The following DGKI variants were observed in gnomAD, a reference collection of about 807,000 sequenced individuals.
DGKI encodes the protein DAG kinase iota.
A neutral mutation model predicts 147.5 loss-of-function variants in DGKI; 55 were observed. The observed-to-expected ratio is 0.37, with a 90% CI of 0.30 to 0.47. The LOEUF (loss-of-function observed/expected upper bound fraction) is 0.47. Ranked by LOEUF, DGKI falls within the 20% of genes least tolerant of loss-of-function variation. The probability of loss-of-function intolerance (pLI) is 1.00; values close to 1 mark genes in which losing one functional copy is unlikely to be tolerated. For missense variants in DGKI, 1,007 were observed against 1,323.8 expected, an observed-to-expected ratio of 0.76 and a Z score of 3.71; for synonymous variants, 469 against 477.1, an observed-to-expected ratio of 0.98 and a Z score of 0.22.
chr7:137,413,298 T>G (rs1002473783), intron 28 of DGKI, among the ~76,000 whole-genome samples: 1 of 151,966 alleles, frequency 6.6e-6, no homozygotes, highest in African/African-American at 2.4e-5. Context: ...TTCATTTTTA[T>G]TTTAGATTCA....
chr7:137,715,461 T>C (rs1229478804), intron 1 of DGKI, among the ~76,000 whole-genome samples: 1 of 152,118 alleles, frequency 6.6e-6, no homozygotes, highest in East Asian at 1.9e-4. Context: ...GGGTGGAAAG[T>C]TATGAGACCC....
chr7:137,485,332 T>G, intron 23 of DGKI, 42 bp downstream of exon 23: 2 of 1,498,684 alleles, frequency 1.3e-6, no homozygotes, highest in African/African-American at 1.4e-5. Context: ...GGACTTCATT[T>G]GGCCAGAAGG....
intron 1 of DGKI, among the ~76,000 whole-genome samples, chr7:137,736,771 G>A (rs1795035517): frequency 1.3e-5 from 2 of 152,066 alleles, no homozygotes; most frequent in South Asian, 4.1e-4. Flanking sequence ...GAATGAGTAT[G>A]AAGAGAAAAT....
At chr7:137,751,630 T>C (rs1795492451) in intron 1 of DGKI, among the ~76,000 whole-genome samples, 1 of 152,198 alleles carries the variant, frequency 6.6e-6, no homozygotes, top group South Asian at 2.1e-4. Flanking sequence ...TTTGAAAGTA[T>C]GTAAAGGAAA....
chr7:137,837,194 C>T (rs1285160452), intron 1 of DGKI, among the ~76,000 whole-genome samples: 1 of 152,202 alleles, frequency 6.6e-6, no homozygotes, highest in Non-Finnish European at 1.5e-5. Flanking sequence ...CCAGTGAAAT[C>T]CCAAATGTAA....
At chr7:137,717,472 A>G (rs963665645) in intron 1 of DGKI, among the ~76,000 whole-genome samples, 4 of 152,216 alleles carry the variant, frequency 2.6e-5, no homozygotes, top group African/African-American at 9.6e-5. Context: ...TGTAAGTGAT[A>G]TTAACATTTT....
chr7:137,429,279 C>A (rs1383275547), intron 28 of DGKI, among the ~76,000 whole-genome samples: 1 of 150,824 alleles, frequency 6.6e-6, no homozygotes, highest in African/African-American at 2.4e-5. Context: ...CTTTGACAAA[C>A]CTGAGAAAAA....
At position 137,390,735 on chromosome 7, in the gene DGKI, G is replaced by A. The variant is rs1811328063; in HGVS notation, c.*485C>T. 1 of 156,978 alleles carries A rather than the reference G, an allele frequency of 6.4e-6. No individual in the cohort carries two copies. 9.7% of individuals were successfully genotyped at this position (156,978 alleles called of 1,614,324 possible). A position where few individuals can be genotyped will look rare whatever the true frequency, so the allele number is the denominator to read the frequency against. On this transcript the variant is annotated 3_prime_UTR_variant, in exon 33 of 33. Coordinates refer to ENST00000614521, the MANE Select transcript of DGKI (RefSeq NM_001321708.2). ...TTATATTTCTGCAGGACATTCAGAA[G>A]GTTTTAGAAGGCCTTCAGACAATCT...
chr7:137,554,990 C>T (rs749704358), intron 19 of DGKI, among the ~76,000 whole-genome samples: 14 of 141,840 alleles, frequency 9.9e-5, no homozygotes, highest in Non-Finnish European at 2.0e-4. Context: ...AATCTCAGCT[C>T]ACTGCAACCT....
At chr7:137,688,398 C>T (rs750371291) in intron 2 of DGKI, among the ~76,000 whole-genome samples, 1 of 152,184 alleles carries the variant, frequency 6.6e-6, no homozygotes, top group African/African-American at 2.4e-5. Context: ...TTGTCACATT[C>T]GATCCTAACA....
At chr7:137,556,480 C>G (rs1028105714) in intron 19 of DGKI, among the ~76,000 whole-genome samples, 5 of 151,974 alleles carry the variant, frequency 3.3e-5, no homozygotes, top group African/African-American at 7.2e-5. Flanking sequence ...AATTCACAGG[C>G]CAAGTGTTAA....
intron 1 of DGKI, among the ~76,000 whole-genome samples, chr7:137,694,300 C>T (rs13222186): frequency 1.2e-3 from 179 of 147,000 alleles, no homozygotes; most frequent in Non-Finnish European, 1.9e-3. Context: ...CCAGCCTGGG[C>T]GACAGCGAGA....
At chr7:137,427,095 A>C (rs1812844838) in intron 28 of DGKI, among the ~76,000 whole-genome samples, 1 of 151,970 alleles carries the variant, frequency 6.6e-6, no homozygotes, top group Non-Finnish European at 1.5e-5. Context: ...AACAGAATAT[A>C]CATTTTTTTC....
intron 1 of DGKI, among the ~76,000 whole-genome samples, chr7:137,795,665 C>T (rs377723079): frequency 5.9e-5 from 9 of 152,268 alleles, no homozygotes; most frequent in East Asian, 5.8e-4. Context: ...CATGCATATG[C>T]GCAAGCTGTG....
intron 21 of DGKI, among the ~76,000 whole-genome samples, chr7:137,502,997 C>A (rs1203488905): frequency 6.6e-6 from 1 of 152,108 alleles, no homozygotes; most frequent in East Asian, 1.9e-4. Flanking sequence ...CAGGCCTGGA[C>A]AAAGGACCAG....
At chr7:137,713,055 T>A (rs1794264427) in intron 1 of DGKI, among the ~76,000 whole-genome samples, 1 of 152,206 alleles carries the variant, frequency 6.6e-6, no homozygotes, top group African/African-American at 2.4e-5. Context: ...ACTTATAATC[T>A]TTATATTAGT....
At chr7:137,806,668 C>T (rs1019256914) in intron 1 of DGKI, among the ~76,000 whole-genome samples, 2 of 152,078 alleles carry the variant, frequency 1.3e-5, no homozygotes, top group African/African-American at 4.8e-5. Flanking sequence ...CTCCTGACTT[C>T]GTGATCTGCC....
chr7:137,740,935 C>T lies in DGKI; in HGVS notation c.402-50933G>A, dbSNP rs78142311. 3.2e-3 allele frequency among the ~76,000 whole-genome samples: 488 copies of T among 152,252 alleles called. 3 individuals are homozygous for T. Among genetic ancestry groups the T allele is most frequent in the African/African-American group, 0.011 (467 of 41,550 alleles). On this transcript the variant is annotated intron_variant, in intron 1 of 32. Transcript: ENST00000614521. ...GGGTCCAAATCCTAATCCTGTCACA[C>T]GCTGAGTAACTAGGTAAATGAGCTC... is the stretch of plus-strand genomic sequence containing the variant.
chr7:137,774,882 A>C (rs943888592), intron 1 of DGKI: 6 of 152,192 alleles, frequency 3.9e-5, no homozygotes, highest in Non-Finnish European at 8.8e-5. Context: ...GCAGGAGTCA[A>C]GATTTCTGTG....
Sources: allele counts gnomAD v4.1 joint callset (sites outside exome capture counted in the v4.1 genomes callset), GRCh38; gene constraint gnomAD v4.1.1; transcripts MANE v1.5; gene names NCBI Gene and HGNC (gene_info 2026-07-23, HGNC 2026-07-21).